KIAA1328: variants seen among roughly 807,000 people sequenced by gnomAD.
The protein encoded by KIAA1328 is protein hinderin.
In KIAA1328, 52 loss-of-function variants were observed where a neutral mutation model predicts 68.1. That is an observed-to-expected ratio of 0.76 (90% CI 0.61 to 0.96). The LOEUF (loss-of-function observed/expected upper bound fraction) is 0.96, where lower values mean the gene tolerates loss of function less well. Ranked by LOEUF, KIAA1328 falls within the 40% of genes least tolerant of loss-of-function variation. The probability of loss-of-function intolerance (pLI) is 0.00; values close to 1 mark genes in which losing one functional copy is unlikely to be tolerated. For missense variants in KIAA1328, 641 were observed against 677.6 expected, an observed-to-expected ratio of 0.95 and a Z score of 0.60; for synonymous variants, 232 against 239.4, an observed-to-expected ratio of 0.97 and a Z score of 0.28.
At chr18:36,985,757 C>T (rs542677326) in intron 6 of KIAA1328, among the ~76,000 whole-genome samples, 1 of 152,226 alleles carries the variant, frequency 6.6e-6, no homozygotes, top group African/African-American at 2.4e-5. Context: ...CTATTAAACC[C>T]TCCAAAGAAA....
At chr18:36,938,237 T>G (rs896135804) in intron 5 of KIAA1328, among the ~76,000 whole-genome samples, 5 of 152,288 alleles carry the variant, frequency 3.3e-5, no homozygotes, top group African/African-American at 9.6e-5. Context: ...ACAGGATCCC[T>G]TTTCTCTATA....
intron 5 of KIAA1328, among the ~76,000 whole-genome samples, chr18:36,893,738 A>G (rs547782175): frequency 6.6e-6 from 1 of 152,124 alleles, no homozygotes; most frequent in Non-Finnish European, 1.5e-5. Context: ...GAAGTAGAGA[A>G]TAGAGCTGCT....
At chr18:36,944,383 C>T (rs934900682) in intron 5 of KIAA1328, among the ~76,000 whole-genome samples, 1 of 152,040 alleles carries the variant, frequency 6.6e-6, no homozygotes, top group Non-Finnish European at 1.5e-5. Context: ...TCGAGACCAT[C>T]CTGGCTAACA....
intron 7 of KIAA1328, among the ~76,000 whole-genome samples, chr18:37,098,572 G>T (rs534286876): frequency 2.0e-5 from 3 of 152,256 alleles, no homozygotes; most frequent in South Asian, 2.1e-4. Flanking sequence ...TTGGTACCAG[G>T]ATGATCCTGG....
intron 4 of KIAA1328, among the ~76,000 whole-genome samples, chr18:36,879,402 C>T (rs2048253887): frequency 6.6e-6 from 1 of 152,192 alleles, no homozygotes; most frequent in Non-Finnish European, 1.5e-5. Flanking sequence ...AAAGCTTCCT[C>T]ACAGAGGGGC....
intron 7 of KIAA1328, among the ~76,000 whole-genome samples, chr18:37,137,361 A>C (rs900787174): frequency 2.2e-4 from 32 of 147,474 alleles, no homozygotes; most frequent in Non-Finnish European, 3.7e-4. Flanking sequence ...AAAACAAAAC[A>C]AAAAAACCCT....
At chr18:36,992,819 A>T (rs969022830) in intron 6 of KIAA1328, among the ~76,000 whole-genome samples, 2 of 152,168 alleles carry the variant, frequency 1.3e-5, no homozygotes, top group African/African-American at 4.8e-5. Context: ...TTTAATAAAA[A>T]CAGGCCAGGT....
At chr18:37,196,961 CATTA>C (rs1335529092) in intron 9 of KIAA1328, among the ~76,000 whole-genome samples, 6 of 151,984 alleles carry the variant, frequency 3.9e-5, no homozygotes, top group African/African-American at 1.4e-4. Context: ...GCTTCAATCT[CATTA>C]ATTATTATTG....
chr18:37,138,433 A>G (rs1344302817), intron 7 of KIAA1328, among the ~76,000 whole-genome samples: 1 of 152,298 alleles, frequency 6.6e-6, no homozygotes, highest in East Asian at 1.9e-4. Flanking sequence ...CATCTAAGTT[A>G]CATCTTTCTA....
chr18:37,163,393 T>C (rs1294655398), intron 8 of KIAA1328, among the ~76,000 whole-genome samples: 1 of 152,212 alleles, frequency 6.6e-6, no homozygotes, highest in Non-Finnish European at 1.5e-5. Flanking sequence ...CTTGAATCTC[T>C]AAATTCCCTT....
chr18:36,888,082 G>T (rs2048560402), intron 5 of KIAA1328, among the ~76,000 whole-genome samples: 1 of 152,210 alleles, frequency 6.6e-6, no homozygotes, highest in South Asian at 2.1e-4. Flanking sequence ...TAGCATGGCT[G>T]TGAATGGTTT....
At chr18:37,148,574 A>G (rs1056953742) in intron 7 of KIAA1328, among the ~76,000 whole-genome samples, 6 of 152,214 alleles carry the variant, frequency 3.9e-5, no homozygotes, top group African/African-American at 1.4e-4. Context: ...GAACTAATTT[A>G]CATTCTCACC....
intron 9 of KIAA1328, among the ~76,000 whole-genome samples, chr18:37,175,568 C>T (rs2059583433): frequency 1.3e-5 from 2 of 151,852 alleles, no homozygotes; most frequent in South Asian, 4.2e-4. Flanking sequence ...TGACATCATA[C>T]AGGTCTCTTA....
chr18:37,189,612 A>G (rs1164217717), intron 9 of KIAA1328, among the ~76,000 whole-genome samples: 1 of 152,210 alleles, frequency 6.6e-6, no homozygotes, highest in Non-Finnish European at 1.5e-5. Context: ...ACTTCAGCCC[A>G]TGGTCCCCAA....
intron 5 of KIAA1328, among the ~76,000 whole-genome samples, chr18:36,915,674 C>T (rs1312929073): frequency 6.6e-6 from 1 of 152,102 alleles, no homozygotes; most frequent in Admixed American, 6.5e-5. Flanking sequence ...ACAATATTGA[C>T]AATATTAAAT....
At chr18:36,829,769 A>T (rs540197673) in intron 1 of KIAA1328, among the ~76,000 whole-genome samples, 11 of 152,184 alleles carry the variant, frequency 7.2e-5, no homozygotes, top group Non-Finnish European at 1.5e-4. Flanking sequence ...TTACTGCGTA[A>T]GATGGGAATC....
chr18:37,205,523 A>C (rs938938312), intron 9 of KIAA1328, among the ~76,000 whole-genome samples: 1 of 152,242 alleles, frequency 6.6e-6, no homozygotes, highest in Non-Finnish European at 1.5e-5. Flanking sequence ...CAACATTTTT[A>C]GCTCAATAAT....
chr18:37,112,401 G>T (rs2057959740), intron 7 of KIAA1328, among the ~76,000 whole-genome samples: 1 of 152,302 alleles, frequency 6.6e-6, no homozygotes, highest in South Asian at 2.1e-4. Context: ...GTGATACCCA[G>T]GCAAACAGCA....
intron 7 of KIAA1328, among the ~76,000 whole-genome samples, chr18:37,078,857 T>C (rs1322827502): frequency 6.7e-6 from 1 of 149,978 alleles, no homozygotes; most frequent in Non-Finnish European, 1.5e-5. Context: ...TGTGGAGAAA[T>C]AGGAACACTT....
Sources: allele counts gnomAD v4.1 joint callset (sites outside exome capture counted in the v4.1 genomes callset), GRCh38; gene constraint gnomAD v4.1.1; transcripts MANE v1.5; gene names NCBI Gene and HGNC (gene_info 2026-07-23, HGNC 2026-07-21).